ALS2: variants seen among roughly 807,000 people sequenced by gnomAD.
The protein encoded by ALS2 is alsin.
Under a neutral mutation model 203.4 loss-of-function variants are expected in ALS2, and 117 were observed. The observed-to-expected ratio is 0.58, with a 90% CI of 0.50 to 0.67. The LOEUF is 0.67. Ranked by LOEUF, ALS2 falls within the 30% of genes least tolerant of loss-of-function variation. The pLI, the probability that ALS2 is intolerant of heterozygous loss-of-function variation, is 0.00. For missense variants in ALS2, 1,715 were observed against 1,989.4 expected, an observed-to-expected ratio of 0.86 and a Z score of 2.62; for synonymous variants, 718 against 725.9, an observed-to-expected ratio of 0.99 and a Z score of 0.17.
At position 201,726,854 on chromosome 2, in the gene ALS2, G is replaced by T. The variant is rs121908137; in HGVS notation, c.2992C>A (p.Arg998=). 12 of 1,613,266 alleles carry T rather than the reference G, an allele frequency of 7.4e-6. No individual in the cohort carries two copies. The highest frequency in any genetic ancestry group is 1.7e-6 in the Non-Finnish European group (2 of 1,179,826). ...STPQEKTKWL[R]AISQAVDQAL... is the part of the protein sequence containing the mutation. ...TGATCTACGGCTTGGCTTATAGCTC[G>T]TAGCCACTTTGTCTAGGAGCAAAAA... is the stretch of plus-strand genomic sequence containing the variant. Residue 998 remains arginine (R), a synonymous_variant, in exon 18 of 34, where the codon CGA becomes AGA. Coordinates refer to ENST00000264276, the MANE Select transcript of ALS2 (RefSeq NM_020919.4).
chr2:201,722,512 G>A (rs1010892215), intron 23 of ALS2: 1 of 152,806 alleles, frequency 6.5e-6, no homozygotes, highest in Non-Finnish European at 1.5e-5. Context: ...GAAAACATAT[G>A]TCTACACAAG....
chr2:201,724,267 C>T (rs547791857), intron 21 of ALS2, 28 bp downstream of exon 21: 1 of 1,603,926 alleles, frequency 6.2e-7, no homozygotes. Context: ...TTGGCTTAAA[C>T]TGTGGGAATA....
intron 17 of ALS2, 132 bp downstream of exon 17, chr2:201,727,080 G>A: frequency 2.0e-6 from 2 of 992,204 alleles, no homozygotes; most frequent in Non-Finnish European, 3.1e-6. Flanking sequence ...TACAGTTTTG[G>A]GTTAATGAAG....
intron 13 of ALS2, among the ~76,000 whole-genome samples, chr2:201,730,959 T>C (rs1691515167): frequency 6.6e-6 from 1 of 152,230 alleles, no homozygotes; most frequent in Non-Finnish European, 1.5e-5. Context: ...ATCTTAGTAT[T>C]GTCATGAAAA....
At chr2:201,717,390 C>T (rs754301420) in intron 24 of ALS2, among the ~76,000 whole-genome samples, 19 of 151,288 alleles carry the variant, frequency 1.3e-4, no homozygotes, top group Non-Finnish European at 2.2e-4. Flanking sequence ...CGCTTGAACC[C>T]GGGAGACAGA....
At chr2:201,731,235 T>G (rs1691534988) in intron 13 of ALS2, among the ~76,000 whole-genome samples, 1 of 150,076 alleles carries the variant, frequency 6.7e-6, no homozygotes, top group Non-Finnish European at 1.5e-5. Flanking sequence ...TCTGCTAGAG[T>G]GCTAGGGAAA....
At position 201,741,698 on chromosome 2, in the gene ALS2, C is replaced by T. The variant is rs1692278763; in HGVS notation, c.2327G>A (p.Ser776Asn). 6.2e-7 allele frequency: 1 copy of T among 1,614,112 alleles called. No individual in the cohort carries two copies. The highest frequency in any genetic ancestry group is 2.2e-5 in the East Asian group (1 of 44,874). The change falls in exon 11 of 34, where the codon AGT becomes AAT. Residue 776 changes from serine to asparagine, a missense_variant. Physicochemically the swap from Ser to Asn is conservative, Grantham distance 46 (BLOSUM62 1). Coordinates refer to ENST00000264276, the MANE Select transcript of ALS2 (RefSeq NM_020919.4). ...ARSLVILKHSSLFLDSYTEYC... is the reference protein window; with the variant it reads ...ARSLVILKHSNLFLDSYTEYC... Reference sequence around the variant, plus strand: ...CTCTGTATAACTATCCAAGAAGAGACTTGAATGCTTCAGGATGACCAAACT... The same window carrying T: ...CTCTGTATAACTATCCAAGAAGAGATTTGAATGCTTCAGGATGACCAAACT...
rs750865810 is a variant in ALS2, at chr2:201,738,742, CAGAAA to C, written c.2352-12_2352-8del. Reference sequence around the variant, plus strand: ...TGTAATAGATGTGCAATACCTTGAGCAGAAAAGAAAACACATGTACATTAGTTGAA... The same window carrying C: ...TGTAATAGATGTGCAATACCTTGAGCAGAAAACACATGTACATTAGTTGAA... On this transcript the variant is annotated splice_region_variant and splice_polypyrimidine_tract_variant and intron_variant, in intron 11 of 33. Transcript: ENST00000264276. The C allele has an allele frequency of 5.6e-6, 9 of 1,612,524 alleles. No homozygotes were observed. The highest frequency in any genetic ancestry group is 2.2e-5 in the East Asian group (1 of 44,848).
At chr2:201,717,422 C>T (rs1382287180) in intron 24 of ALS2, among the ~76,000 whole-genome samples, 4 of 150,402 alleles carry the variant, frequency 2.7e-5, no homozygotes, top group East Asian at 2.0e-4. Context: ...GCCAAGATCA[C>T]GCCACCACAC....
intron 5 of ALS2, among the ~76,000 whole-genome samples, chr2:201,755,715 T>A (rs1693341091): frequency 1.3e-5 from 2 of 152,220 alleles, no homozygotes; most frequent in Admixed American, 6.5e-5. Flanking sequence ...AAAAAGCTTT[T>A]GTACTTGCCT....
chr2:201,769,897 A>G (rs2106107419), intron 1 of ALS2, among the ~76,000 whole-genome samples: 3 of 152,308 alleles, frequency 2.0e-5, no homozygotes, highest in Admixed American at 2.0e-4. Flanking sequence ...TTGCCTGTGA[A>G]TTCTTACCAT....
intron 1 of ALS2, among the ~76,000 whole-genome samples, chr2:201,779,568 C>G (rs901803383): frequency 3.3e-5 from 5 of 152,134 alleles, no homozygotes; most frequent in African/African-American, 1.2e-4. Flanking sequence ...CAGTTTGGAT[C>G]ATGATGTAGT....
intron 2 of ALS2, among the ~76,000 whole-genome samples, chr2:201,767,666 C>T (rs373850683): frequency 1.3e-4 from 19 of 151,452 alleles, no homozygotes; most frequent in African/African-American, 4.6e-4. Context: ...TCGAGACCAG[C>T]CTGGCTAATA....
At position 201,729,189 on chromosome 2, in the gene ALS2, G is replaced by C. The variant is rs763188678; in HGVS notation, c.2581-6C>G. 1 of 1,612,680 alleles carries C rather than the reference G, an allele frequency of 6.2e-7. No individual in the cohort carries two copies. The highest frequency in any genetic ancestry group is 8.5e-7 in the Non-Finnish European group (1 of 1,179,632). On this transcript the variant is annotated splice_polypyrimidine_tract_variant and splice_region_variant and intron_variant, in intron 13 of 33. Transcript: ENST00000264276. ...TTCTGATATTCTGGAGATGCCTACA[G>C]GGCAAAAATTAAAGAGGAAAAAAAA...
At chr2:201,772,924 T>C (rs1293506028) in intron 1 of ALS2, among the ~76,000 whole-genome samples, 9 of 145,418 alleles carry the variant, frequency 6.2e-5, no homozygotes, top group African/African-American at 2.3e-4. Flanking sequence ...TGCAATGGCA[T>C]GATCTCAGCT....
At chr2:201,764,254 C>T (rs1693939214) in intron 3 of ALS2, among the ~76,000 whole-genome samples, 1 of 152,060 alleles carries the variant, frequency 6.6e-6, no homozygotes, top group Non-Finnish European at 1.5e-5. Context: ...AACATTATTC[C>T]ACTAGAAAGA....
At chr2:201,739,235 C>CCAAA (rs745464396) in intron 11 of ALS2, among the ~76,000 whole-genome samples, 2 of 41,054 alleles carry the variant, frequency 4.9e-5, no homozygotes, top group Non-Finnish European at 1.1e-4. Flanking sequence ...GACTGTCTCC[C>CCAAA]AAAAAAAAAA....
chr2:201,726,873 G>A lies in ALS2; in HGVS notation c.2980-7C>T, dbSNP rs1338292222. On this transcript the variant is annotated splice_region_variant and splice_polypyrimidine_tract_variant and intron_variant, in intron 17 of 33. Coordinates refer to ENST00000264276, the MANE Select transcript of ALS2 (RefSeq NM_020919.4). ...TAGCTCGTAGCCACTTTGTCTAGGA[G>A]CAAAAAGTAACGTCAATAAGTTTAA... The A allele has an allele frequency of 6.2e-7, 1 of 1,612,738 alleles. No homozygotes were observed. Among genetic ancestry groups the A allele is most frequent in the Admixed American group, 1.7e-5 (1 of 59,904 alleles).
chr2:201,752,795 A>G (rs1693146418), intron 7 of ALS2, among the ~76,000 whole-genome samples: 1 of 152,158 alleles, frequency 6.6e-6, no homozygotes, highest in African/African-American at 2.4e-5. Flanking sequence ...TTAGTGTTTT[A>G]CTATGTATCT....
Sources: gnomAD v4.1 joint callset for allele counts (sites outside exome capture counted in the v4.1 genomes callset) on GRCh38, gnomAD v4.1.1 for gene constraint, MANE v1.5 for transcripts, NCBI Gene and HGNC (gene_info 2026-07-23, HGNC 2026-07-21) for gene names.